The following SEMA3E variants were observed in gnomAD, a reference collection of about 807,000 sequenced individuals.
SEMA3E encodes semaphorin-3E.
Under a neutral mutation model 93.6 loss-of-function variants are expected in SEMA3E, and 49 were observed. The observed-to-expected ratio is 0.52, with a 90% CI of 0.42 to 0.66. SEMA3E has a LOEUF of 0.66. SEMA3E is among the 30% of genes least tolerant of loss of function. The probability of loss-of-function intolerance (pLI) is 0.00; values close to 1 mark genes in which losing one functional copy is unlikely to be tolerated. For synonymous variants in SEMA3E, 363 were observed against 330.7 expected (o/e 1.10, Z -1.06); for missense variants, 906 against 964.8 (o/e 0.94, Z 0.81).
chr7:83,625,639 T>C (rs1051127527), intron 1 of SEMA3E, among the ~76,000 whole-genome samples: 1 of 152,144 alleles, frequency 6.6e-6, no homozygotes, highest in African/African-American at 2.4e-5. Flanking sequence ...TATACAATCA[T>C]GTCATCTGCA....
At chr7:83,546,322 G>T (rs1791649175) in intron 1 of SEMA3E, among the ~76,000 whole-genome samples, 1 of 5,498 alleles carries the variant, frequency 1.8e-4, no homozygotes, top group Admixed American at 1.6e-3. Context: ...ATAATAAGGG[G>T]TGTGTGTGTG....
chr7:83,641,745 T>A (rs1210163500), intron 1 of SEMA3E, among the ~76,000 whole-genome samples: 1 of 152,298 alleles, frequency 6.6e-6, no homozygotes, highest in East Asian at 1.9e-4. Context: ...CATCTTAAGT[T>A]GTAATTTAAC....
In SEMA3E at chr7:83,474,095, TAA is replaced by T. The variant is rs11324407; in HGVS notation, c.277-4795_277-4794del. Among the ~76,000 whole-genome samples, 514 of 108,552 alleles carry T rather than the reference TAA, an allele frequency of 4.7e-3. 3 individuals carry two copies. Among genetic ancestry groups the T allele is most frequent in the African/African-American group, 0.015 (439 of 29,342 alleles). The allele number at this position is 108,552 out of a possible 152,430, so 71.2% of individuals were successfully genotyped here. The stretch of plus-strand genomic sequence containing the variant: ...CAACAGAGTGAGACTCTATCTCAAT[TAA>T]AAAAAAAAAAAAAAAAAAAGAAAAA... On this transcript the variant is annotated intron_variant, in intron 2 of 16. Coordinates refer to ENST00000643230, the MANE Select transcript of SEMA3E (RefSeq NM_012431.3).
At chr7:83,538,372 A>C (rs1194010673) in intron 1 of SEMA3E, among the ~76,000 whole-genome samples, 3 of 152,092 alleles carry the variant, frequency 2.0e-5, no homozygotes, top group Admixed American at 6.6e-5. Flanking sequence ...TTTGATTCTA[A>C]TGATTATAGC....
In SEMA3E at chr7:83,375,631, C is replaced by G. The variant is rs114036351; in HGVS notation, c.1876-7593G>C. Among the ~76,000 whole-genome samples, 426 of 152,136 alleles carry G rather than the reference C, an allele frequency of 2.8e-3. 2 individuals carry two copies. The highest frequency in any genetic ancestry group is 8.4e-3 in the African/African-American group (350 of 41,552). Reference sequence around the variant, plus strand: ...AGGAATTGGTATTTTGGAGTATCTACTGTACATGTGTGCATTGGGCTTTCT... The same window carrying G: ...AGGAATTGGTATTTTGGAGTATCTAGTGTACATGTGTGCATTGGGCTTTCT... On this transcript the variant is annotated intron_variant, in intron 16 of 16. Coordinates refer to ENST00000643230, the MANE Select transcript of SEMA3E (RefSeq NM_012431.3).
chr7:83,630,342 T>C (rs1793761000), intron 1 of SEMA3E, among the ~76,000 whole-genome samples: 2 of 152,236 alleles, frequency 1.3e-5, no homozygotes, highest in South Asian at 4.1e-4. Context: ...TTTCCTCATA[T>C]TGATGAGATT....
At chr7:83,575,143 T>C (rs114354388) in intron 1 of SEMA3E, among the ~76,000 whole-genome samples, 1 of 152,078 alleles carries the variant, frequency 6.6e-6, no homozygotes, top group African/African-American at 2.4e-5. Context: ...GTTCAATTCA[T>C]CATAAGTTTG....
chr7:83,378,922 T>C (rs1787715656), intron 16 of SEMA3E, among the ~76,000 whole-genome samples: 1 of 151,854 alleles, frequency 6.6e-6, no homozygotes, highest in Admixed American at 6.6e-5. Context: ...AAAGAACTCA[T>C]TATATCAAAA....
intron 1 of SEMA3E, among the ~76,000 whole-genome samples, chr7:83,505,253 A>C (rs143054965): frequency 2.6e-5 from 4 of 152,230 alleles, no homozygotes; most frequent in Admixed American, 2.6e-4. Flanking sequence ...ATTCTATCTC[A>C]TTGCAGCTTA....
At chr7:83,545,475 G>C (rs1202891049) in intron 1 of SEMA3E, among the ~76,000 whole-genome samples, 1 of 144,452 alleles carries the variant, frequency 6.9e-6, no homozygotes, top group East Asian at 2.1e-4. Flanking sequence ...TATTAAACTT[G>C]TAGTTTTATA....
At chr7:83,558,568 T>C (rs1025398931) in intron 1 of SEMA3E, among the ~76,000 whole-genome samples, 7 of 152,040 alleles carry the variant, frequency 4.6e-5, no homozygotes, top group African/African-American at 9.7e-5. Context: ...AAGAAGAAAA[T>C]AATAGACCTA....
chr7:83,388,056 A>G (rs1189546560), intron 14 of SEMA3E, among the ~76,000 whole-genome samples: 1 of 148,410 alleles, frequency 6.7e-6, no homozygotes, highest in Non-Finnish European at 1.5e-5. Flanking sequence ...CACGCCTGTA[A>G]TCCTAGCACT....
chr7:83,562,577 A>G (rs182558171), intron 1 of SEMA3E, among the ~76,000 whole-genome samples: 137 of 151,892 alleles, frequency 9.0e-4, no homozygotes, highest in African/African-American at 3.3e-3. Context: ...TCCCCTAGCT[A>G]TTCCCTGAAA....
intron 1 of SEMA3E, among the ~76,000 whole-genome samples, chr7:83,572,222 A>G (rs976086606): frequency 1.3e-5 from 2 of 151,476 alleles, no homozygotes; most frequent in Non-Finnish European, 2.9e-5. Flanking sequence ...AGTAGGAAAA[A>G]ATTCTAAAAT....
intron 1 of SEMA3E, among the ~76,000 whole-genome samples, chr7:83,524,224 A>T (rs1224527926): frequency 6.6e-6 from 1 of 152,148 alleles, no homozygotes; most frequent in Non-Finnish European, 1.5e-5. Context: ...AAAGTTTATA[A>T]ATCACTAATG....
intron 1 of SEMA3E, among the ~76,000 whole-genome samples, chr7:83,527,891 C>G (rs2535368): frequency 6.6e-6 from 1 of 151,372 alleles, no homozygotes; most frequent in Non-Finnish European, 1.5e-5. Flanking sequence ...TGTTTTCTGC[C>G]TAAAGTAATT....
chr7:83,498,459 G>T (rs1477647150), intron 1 of SEMA3E, among the ~76,000 whole-genome samples: 1 of 151,286 alleles, frequency 6.6e-6, no homozygotes, highest in African/African-American at 2.4e-5. Context: ...TCAAACTTGT[G>T]TACTTAATAA....
At chr7:83,603,529 C>T (rs939861157) in intron 1 of SEMA3E, among the ~76,000 whole-genome samples, 1 of 151,956 alleles carries the variant, frequency 6.6e-6, no homozygotes, top group Admixed American at 6.6e-5. Context: ...AGAAAAATGA[C>T]ATATCTTTTC....
At chr7:83,500,419 G>C (rs1285813340) in intron 1 of SEMA3E, among the ~76,000 whole-genome samples, 1 of 152,020 alleles carries the variant, frequency 6.6e-6, no homozygotes, top group Non-Finnish European at 1.5e-5. Flanking sequence ...CTGGGCGACA[G>C]AGCGAGACTC....
Sources: allele counts gnomAD v4.1 joint callset (sites outside exome capture counted in the v4.1 genomes callset), GRCh38; gene constraint gnomAD v4.1.1; transcripts MANE v1.5; gene names NCBI Gene and HGNC (gene_info 2026-07-23, HGNC 2026-07-21).